Variants in MRAP2 observed in about 807,000 individuals in gnomAD.
MRAP2 encodes the protein melanocortin 2 receptor accessory protein 2.
In MRAP2, 20 loss-of-function variants were observed where a neutral mutation model predicts 17.4. That is an observed-to-expected ratio of 1.15 (90% CI 0.81 to 1.67). The LOEUF (loss-of-function observed/expected upper bound fraction) is 1.67, where lower values mean the gene tolerates loss of function less well. MRAP2 is among the 40% of genes most tolerant of loss of function. The pLI, the probability that MRAP2 is intolerant of heterozygous loss-of-function variation, is 0.00. For synonymous variants in MRAP2, 96 were observed against 88.4 expected (o/e 1.09, Z -0.48); for missense variants, 238 against 240.0 (o/e 0.99, Z 0.05).
the MRAP2 span, among the ~76,000 whole-genome samples, chr6:84,098,490 G>T: frequency 6.6e-6 from 1 of 152,126 alleles, no homozygotes; most frequent in African/African-American, 2.4e-5. Context: ...GTTCCTAGAA[G>T]AGGAATGTCT....
chr6:84,064,779 G>A (rs925675745), intron 3 of MRAP2, among the ~76,000 whole-genome samples: 14 of 152,038 alleles, frequency 9.2e-5, no homozygotes, highest in African/African-American at 1.7e-4. Flanking sequence ...GAGCCACCGC[G>A]CCGGGCCGAA....
chr6:84,074,576 C>T (rs1334832955), intron 3 of MRAP2, among the ~76,000 whole-genome samples: 1 of 152,156 alleles, frequency 6.6e-6, no homozygotes, highest in Non-Finnish European at 1.5e-5. Flanking sequence ...GTGAGCTTCC[C>T]TTTGATAGTA....
chr6:84,100,867 C>T, the MRAP2 span, among the ~76,000 whole-genome samples: 1 of 152,018 alleles, frequency 6.6e-6, no homozygotes, highest in Non-Finnish European at 1.5e-5. Context: ...CAGGAGTGAG[C>T]CCTGTATTAA....
At chr6:84,130,568 T>C in the MRAP2 span, among the ~76,000 whole-genome samples, 1 of 152,216 alleles carries the variant, frequency 6.6e-6, no homozygotes, top group African/African-American at 2.4e-5. Flanking sequence ...ATTCGACTTC[T>C]TCCTCGTTTA....
At chr6:84,033,964 G>A (rs1018118475) in intron 1 of MRAP2, 81 bp downstream of exon 1, 12 of 969,592 alleles carry the variant, frequency 1.2e-5, no homozygotes, top group Middle Eastern at 5.2e-4. Flanking sequence ...TTTGGTCAAG[G>A]CAGGGCTTGC....
intron 3 of MRAP2, among the ~76,000 whole-genome samples, chr6:84,074,419 T>G (rs2099497072): frequency 6.6e-6 from 1 of 152,214 alleles, no homozygotes; most frequent in Non-Finnish European, 1.5e-5. Flanking sequence ...TCCAACAGCA[T>G]GGTTAAGATA....
At chr6:84,141,110 C>A in the MRAP2 span, among the ~76,000 whole-genome samples, 5 of 152,112 alleles carry the variant, frequency 3.3e-5, no homozygotes, top group Non-Finnish European at 7.3e-5. Flanking sequence ...GCTCACTCGC[C>A]CCCTGCTCAT....
chr6:84,041,480 CT>C (rs780592503), intron 1 of MRAP2, among the ~76,000 whole-genome samples: 12 of 152,322 alleles, frequency 7.9e-5, no homozygotes, highest in Non-Finnish European at 1.6e-4. Flanking sequence ...GGTGGATCCA[CT>C]GATAGCTTGC....
At chr6:84,053,185 CT>C (rs1562875782) in intron 1 of MRAP2, among the ~76,000 whole-genome samples, 1 of 152,172 alleles carries the variant, frequency 6.6e-6, no homozygotes, top group Non-Finnish European at 1.5e-5. Flanking sequence ...CACCCTCCAT[CT>C]TTATTTTCTT....
downstream of MRAP2, among the ~76,000 whole-genome samples, chr6:84,091,451 C>T (rs1458291831): frequency 2.6e-5 from 4 of 151,902 alleles, no homozygotes; most frequent in African/African-American, 4.8e-5. Flanking sequence ...AGGCTGGTCT[C>T]GAACTCCTGA....
At chr6:84,138,970 A>G in the MRAP2 span, among the ~76,000 whole-genome samples, 1 of 152,230 alleles carries the variant, frequency 6.6e-6, no homozygotes, top group African/African-American at 2.4e-5. Context: ...TGATCTTTTC[A>G]TAATACAATT....
chr6:84,110,704 G>A, the MRAP2 span, among the ~76,000 whole-genome samples: 32 of 152,138 alleles, frequency 2.1e-4, no homozygotes, highest in Admixed American at 3.3e-4. Context: ...GTATTGCCTA[G>A]GTTTTCTCCT....
intron 3 of MRAP2, among the ~76,000 whole-genome samples, chr6:84,069,184 C>G (rs879564878): frequency 6.6e-6 from 1 of 151,868 alleles, no homozygotes; most frequent in Admixed American, 6.6e-5. Context: ...TTCCAGTTCT[C>G]GGAGGGAACT....
intron 3 of MRAP2, among the ~76,000 whole-genome samples, chr6:84,077,628 A>G (rs1253378017): frequency 6.6e-6 from 1 of 152,232 alleles, no homozygotes; most frequent in African/African-American, 2.4e-5. Flanking sequence ...ATTCTTGGTT[A>G]AATGTATTGT....
the MRAP2 span, among the ~76,000 whole-genome samples, chr6:84,108,301 TA>T: frequency 5.8e-4 from 89 of 152,334 alleles, 1 homozygote; most frequent in African/African-American, 2.0e-3. Context: ...ATCAACAGTA[TA>T]AAAGTATTCC....
intron 2 of MRAP2, 120 bp from the exon 3 acceptor site, chr6:84,062,773 C>G: frequency 2.0e-6 from 3 of 1,512,104 alleles, no homozygotes; most frequent in Non-Finnish European, 2.7e-6. Context: ...AACTGCGGAT[C>G]AGACTGTTGA....
At chr6:84,064,641 C>A (rs1055703333) in intron 3 of MRAP2, among the ~76,000 whole-genome samples, 1 of 152,170 alleles carries the variant, frequency 6.6e-6, no homozygotes, top group African/African-American at 2.4e-5. Flanking sequence ...GCACCCACCA[C>A]CACGCCCAGC....
intron 3 of MRAP2, among the ~76,000 whole-genome samples, chr6:84,073,583 A>G (rs992895343): frequency 2.6e-5 from 4 of 152,174 alleles, no homozygotes; most frequent in Non-Finnish European, 5.9e-5. Flanking sequence ...TTGGAGTTGC[A>G]ATCTAGTCCT....
chr6:84,049,235 G>A (rs2099489792), intron 1 of MRAP2, among the ~76,000 whole-genome samples: 1 of 152,112 alleles, frequency 6.6e-6, no homozygotes, highest in South Asian at 2.1e-4. Context: ...GACCAACCTT[G>A]CCAGTGTGGT....
Sources: allele counts gnomAD v4.1 joint callset (sites outside exome capture counted in the v4.1 genomes callset), GRCh38; gene constraint gnomAD v4.1.1; transcripts MANE v1.5; gene names NCBI Gene and HGNC (gene_info 2026-07-23, HGNC 2026-07-21).